Variants in ENTREP2 observed in about 807,000 individuals in gnomAD.
ENTREP2 encodes endosomal transmembrane epsin interactor 2, also known as protein ENTREP2.
At chr15:29,656,912 C>G in the ENTREP2 span, among the ~76,000 whole-genome samples, 2 of 152,168 alleles carry the variant, frequency 1.3e-5, no homozygotes, top group Non-Finnish European at 2.9e-5. Context: ...TTTAAAGCAG[C>G]TTTTTATGAC....
chr15:29,665,816 T>C, the ENTREP2 span, among the ~76,000 whole-genome samples: 2 of 152,012 alleles, frequency 1.3e-5, no homozygotes, highest in Admixed American at 1.3e-4. Context: ...TATAGGCACG[T>C]GTATGTTAGG....
chr15:29,293,144 G>A, the ENTREP2 span, among the ~76,000 whole-genome samples: 4 of 152,324 alleles, frequency 2.6e-5, no homozygotes, highest in South Asian at 2.1e-4. Context: ...CAAAGGCTCC[G>A]GAGGAGGACA....
chr15:29,657,313 G>C, the ENTREP2 span, among the ~76,000 whole-genome samples: 2,330 of 151,464 alleles, frequency 0.015, 63 homozygotes, highest in African/African-American at 0.054. Context: ...ACCTACCTCA[G>C]CCTCCCAAAG....
chr15:29,283,173 T>A, the ENTREP2 span, among the ~76,000 whole-genome samples: 266 of 152,240 alleles, frequency 1.7e-3, 2 homozygotes, highest in Non-Finnish European at 2.9e-3. Context: ...CTGGAGCAGA[T>A]GAGAGGGAGC....
the ENTREP2 span, among the ~76,000 whole-genome samples, chr15:29,421,095 G>A: frequency 7.2e-5 from 11 of 152,272 alleles, no homozygotes; most frequent in African/African-American, 2.6e-4. Context: ...CCCAAGAGAA[G>A]AAAATGAGTC....
the ENTREP2 span, among the ~76,000 whole-genome samples, chr15:29,521,878 AT>A: frequency 6.6e-6 from 1 of 152,050 alleles, no homozygotes; most frequent in Non-Finnish European, 1.5e-5. Flanking sequence ...ACACACACAC[AT>A]TTTTAAAACA....
chr15:29,176,304 C>T, the ENTREP2 span, among the ~76,000 whole-genome samples: 1 of 152,150 alleles, frequency 6.6e-6, no homozygotes, highest in Non-Finnish European at 1.5e-5. Context: ...ATTCATTTGC[C>T]TGGAGTGTGG....
At chr15:29,262,518 G>T in the ENTREP2 span, among the ~76,000 whole-genome samples, 4 of 152,192 alleles carry the variant, frequency 2.6e-5, no homozygotes, top group African/African-American at 9.7e-5. Flanking sequence ...AACCCAAAAG[G>T]ACAGGGTTCA....
At chr15:29,238,587 A>T in the ENTREP2 span, among the ~76,000 whole-genome samples, 546 of 152,154 alleles carry the variant, frequency 3.6e-3, 8 homozygotes, top group African/African-American at 0.011. Context: ...ATGAGCCAAG[A>T]TCATGCCACT....
At chr15:29,350,092 T>A in the ENTREP2 span, among the ~76,000 whole-genome samples, 2 of 152,186 alleles carry the variant, frequency 1.3e-5, no homozygotes, top group Non-Finnish European at 2.9e-5. Context: ...CTCCTGTTTC[T>A]ACTAGCTATT....
At chr15:29,333,750 A>G in the ENTREP2 span, among the ~76,000 whole-genome samples, 8 of 152,140 alleles carry the variant, frequency 5.3e-5, no homozygotes, top group Non-Finnish European at 1.0e-4. Flanking sequence ...CCTAACCTCC[A>G]ATACCTGAGA....
chr15:29,222,940 T>C, the ENTREP2 span, among the ~76,000 whole-genome samples: 7 of 152,248 alleles, frequency 4.6e-5, no homozygotes, highest in African/African-American at 7.2e-5. Context: ...CTCATGACTT[T>C]CAGAGCTATA....
At chr15:29,349,006 C>A in the ENTREP2 span, among the ~76,000 whole-genome samples, 1 of 152,216 alleles carries the variant, frequency 6.6e-6, no homozygotes, top group Non-Finnish European at 1.5e-5. Context: ...ACTGAAGTTG[C>A]AATTAACAAA....
chr15:29,206,612 C>G, the ENTREP2 span, among the ~76,000 whole-genome samples: 1 of 152,114 alleles, frequency 6.6e-6, no homozygotes, highest in Non-Finnish European at 1.5e-5. Flanking sequence ...CAGAAACCAG[C>G]TTAGCAGTTG....
chr15:29,590,356 C>T, the ENTREP2 span, among the ~76,000 whole-genome samples: 776 of 152,200 alleles, frequency 5.1e-3, 9 homozygotes, highest in African/African-American at 0.018. Context: ...TAAGAGTTCA[C>T]GTCACAGGTT....
chr15:29,486,238 C>A, the ENTREP2 span, among the ~76,000 whole-genome samples: 2 of 152,046 alleles, frequency 1.3e-5, no homozygotes, highest in South Asian at 2.1e-4. Context: ...GGAAATCCTG[C>A]CTTTTTTAAT....
the ENTREP2 span, among the ~76,000 whole-genome samples, chr15:29,168,843 C>T: frequency 1.3e-5 from 2 of 152,178 alleles, no homozygotes; most frequent in Non-Finnish European, 2.9e-5. Flanking sequence ...GGAGGGAGTT[C>T]ACACACTCTC....
At chr15:29,362,293 AGAT>A in the ENTREP2 span, among the ~76,000 whole-genome samples, 2 of 152,156 alleles carry the variant, frequency 1.3e-5, no homozygotes, top group African/African-American at 4.8e-5. Flanking sequence ...GGTGAATTCA[AGAT>A]GATGCATTTA....
At chr15:29,471,131 G>T in the ENTREP2 span, among the ~76,000 whole-genome samples, 1 of 152,190 alleles carries the variant, frequency 6.6e-6, no homozygotes, top group Non-Finnish European at 1.5e-5. Flanking sequence ...GACATTGATG[G>T]TCCTGGGTGG....
Sources: allele counts gnomAD v4.1 joint callset (sites outside exome capture counted in the v4.1 genomes callset), GRCh38; gene constraint gnomAD v4.1.1; transcripts MANE v1.5; gene names NCBI Gene and HGNC (gene_info 2026-07-23, HGNC 2026-07-21).